Variants in HYDIN observed in about 807,000 individuals in gnomAD.
The protein encoded by HYDIN is HYDIN axonemal central pair apparatus protein.
In HYDIN, 132 loss-of-function variants were observed where a neutral mutation model predicts 403.9. The observed-to-expected ratio is 0.33, with a 90% CI of 0.28 to 0.38. HYDIN has a LOEUF of 0.38. HYDIN is among the 10% of genes least tolerant of loss of function. The probability of loss-of-function intolerance (pLI) is 1.00; values close to 1 mark genes in which losing one functional copy is unlikely to be tolerated. For missense variants in HYDIN, 2,827 were observed against 5,009.5 expected (o/e 0.56, Z 13.15); for synonymous variants, 1,202 against 1,891.7 (o/e 0.64, Z 9.46).
intron 45 of HYDIN, among the ~76,000 whole-genome samples, chr16:70,933,205 G>C (rs1260919176): frequency 6.6e-6 from 1 of 152,114 alleles, no homozygotes; most frequent in African/African-American, 2.4e-5. Context: ...GTCTGGGACG[G>C]GCTTGAGAAC....
chr16:70,957,153 GC>G (rs2078267489), intron 39 of HYDIN, among the ~76,000 whole-genome samples: 1 of 151,352 alleles, frequency 6.6e-6, no homozygotes, highest in African/African-American at 2.4e-5. Context: ...CACCCTCCCA[GC>G]CCCTTGGAAA....
chr16:71,216,705 G>A (rs546529539), intron 1 of HYDIN, among the ~76,000 whole-genome samples: 11 of 152,272 alleles, frequency 7.2e-5, no homozygotes, highest in African/African-American at 2.6e-4. Flanking sequence ...AATTTGGAAA[G>A]CATCTTTGAA....
At position 70,840,094 on chromosome 16, in the gene HYDIN, A is replaced by T. The variant is rs779224403; in HGVS notation, c.13013T>A (p.Val4338Glu). ...AGMPPYKQTL[V>E]ITNKEETPMS... ...AGGTGTTTCTTCCTTGTTGGTAATT[A>T]CCAGGGTTTGTTTGTATGGGGGCAT... Residue 4338 changes from valine (V) to glutamate (E), a missense_variant, in exon 76 of 86, where the codon GTA becomes GAA. Physicochemically the swap from Val to Glu is moderately radical, Grantham distance 121 (BLOSUM62 -2). Coordinates refer to ENST00000393567, the MANE Select transcript of HYDIN (RefSeq NM_001270974.2). 9.8e-6 allele frequency: 8 copies of T among 813,378 alleles called. No homozygotes were observed. Among genetic ancestry groups the T allele is most frequent in the South Asian group, 8.3e-5 (5 of 60,410 alleles). 50.4% of individuals were successfully genotyped at this position (813,378 alleles called of 1,614,324 possible).
intron 1 of HYDIN, among the ~76,000 whole-genome samples, chr16:71,211,941 A>C (rs1015809554): frequency 3.3e-5 from 5 of 152,224 alleles, no homozygotes; most frequent in Non-Finnish European, 2.9e-5. Flanking sequence ...CGGGAATCTA[A>C]GAAAAAATGA....
intron 12 of HYDIN, among the ~76,000 whole-genome samples, chr16:71,084,586 A>G (rs1396662700): frequency 1.1e-4 from 16 of 147,388 alleles, no homozygotes; most frequent in Admixed American, 8.9e-4. Flanking sequence ...ACAGGGTTTC[A>G]CCATGTTGGC....
At chr16:71,194,283 G>A (rs1055702963) in intron 1 of HYDIN, among the ~76,000 whole-genome samples, 11 of 151,908 alleles carry the variant, frequency 7.2e-5, no homozygotes, top group Non-Finnish European at 1.2e-4. Context: ...TGGTGGCACG[G>A]GCCTGTAATC....
At position 70,803,746 on chromosome 16, in the gene HYDIN, T is replaced by C. The variant is rs374532314; in HGVS notation, c.*3834A>G. ...CAGGGTTTAAGGTATTAGGTAGAGG[T>C]CTTGAAATGTAGCAGGCCCTCACCA... On this transcript the variant is annotated 3_prime_UTR_variant, in exon 86 of 86. Transcript: ENST00000393567. 1.3e-5 allele frequency among the ~76,000 whole-genome samples: 2 copies of C among 152,102 alleles called. No homozygotes were observed. Among genetic ancestry groups the C allele is most frequent in the African/African-American group, 4.8e-5 (2 of 41,408 alleles).
At chr16:71,063,712 G>A (rs1409779635) in intron 16 of HYDIN, among the ~76,000 whole-genome samples, 5 of 152,150 alleles carry the variant, frequency 3.3e-5, no homozygotes, top group South Asian at 2.1e-4. Context: ...TAACAGCCCC[G>A]TGACTTGTGA....
At chr16:71,103,824 A>C (rs2083528439) in intron 10 of HYDIN, among the ~76,000 whole-genome samples, 1 of 152,188 alleles carries the variant, frequency 6.6e-6, no homozygotes, top group Non-Finnish European at 1.5e-5. Flanking sequence ...TTAAATCTAT[A>C]GATGAATTTG....
intron 41 of HYDIN, among the ~76,000 whole-genome samples, chr16:70,945,354 C>T (rs1357866532): frequency 6.6e-6 from 1 of 152,150 alleles, no homozygotes; most frequent in Non-Finnish European, 1.5e-5. Flanking sequence ...GGGAGAAGAA[C>T]AATTTTTGGG....
At chr16:70,908,513 C>T (rs2076600174) in intron 48 of HYDIN, 79 bp from the exon 49 acceptor site, 2 of 1,462,404 alleles carry the variant, frequency 1.4e-6, no homozygotes, top group Admixed American at 4.2e-5. Flanking sequence ...GCCTGGAAGT[C>T]CTGTCCTGTT....
intron 1 of HYDIN, among the ~76,000 whole-genome samples, chr16:71,224,196 A>T (rs1007560681): frequency 6.6e-6 from 1 of 152,214 alleles, no homozygotes; most frequent in Non-Finnish European, 1.5e-5. Flanking sequence ...CCCAGGAGTG[A>T]AAAACCAAAT....
chr16:70,931,259 C>G (rs1194362585), intron 45 of HYDIN, among the ~76,000 whole-genome samples: 1 of 109,142 alleles, frequency 9.2e-6, no homozygotes, highest in East Asian at 2.7e-4. Context: ...GCTGTGTTGT[C>G]CAGGCTGGAT....
chr16:71,000,685 C>T (rs1424346219), intron 23 of HYDIN, among the ~76,000 whole-genome samples: 1 of 151,784 alleles, frequency 6.6e-6, no homozygotes, highest in African/African-American at 2.4e-5. Context: ...GCTCAGATTT[C>T]AGAGATGGCA....
At chr16:71,129,473 A>C (rs1185558040) in intron 9 of HYDIN, among the ~76,000 whole-genome samples, 167 bp downstream of exon 9, 3 of 152,148 alleles carry the variant, frequency 2.0e-5, no homozygotes, top group Non-Finnish European at 4.4e-5. Flanking sequence ...TGACATTCTT[A>C]CCATTACCTT....
chr16:70,854,337 T>C (rs1218039865), intron 73 of HYDIN, among the ~76,000 whole-genome samples: 5 of 144,152 alleles, frequency 3.5e-5, no homozygotes, highest in East Asian at 4.3e-4. Flanking sequence ...TGGGTTCAAG[T>C]GATTCTCATG....
At chr16:71,179,371 T>C (rs1231246838) in intron 3 of HYDIN, among the ~76,000 whole-genome samples, 1 of 150,200 alleles carries the variant, frequency 6.7e-6, no homozygotes, top group African/African-American at 2.4e-5. Flanking sequence ...GCAGGCATAG[T>C]ATTTTTTACC....
At chr16:71,130,915 A>G (rs1185474096) in intron 8 of HYDIN, among the ~76,000 whole-genome samples, 1 of 146,338 alleles carries the variant, frequency 6.8e-6, no homozygotes, top group African/African-American at 2.6e-5. Context: ...CCATCGTGAT[A>G]AGAGAGAACA....
intron 23 of HYDIN, among the ~76,000 whole-genome samples, chr16:71,010,733 C>T (rs2080054569): frequency 6.6e-6 from 1 of 152,196 alleles, no homozygotes; most frequent in Non-Finnish European, 1.5e-5. Flanking sequence ...GTACTTAGTG[C>T]CTGCCCTTGT....
Sources: allele counts gnomAD v4.1 joint callset (sites outside exome capture counted in the v4.1 genomes callset), GRCh38; gene constraint gnomAD v4.1.1; transcripts MANE v1.5; gene names NCBI Gene and HGNC (gene_info 2026-07-23, HGNC 2026-07-21).